Variants in MAGI1 observed in about 807,000 individuals in gnomAD.
MAGI1 encodes membrane-associated guanylate kinase, WW and PDZ domain-containing protein 1.
Under a neutral mutation model 139.9 loss-of-function variants are expected in MAGI1, and 58 were observed. That is an observed-to-expected ratio of 0.41 (90% CI 0.34 to 0.52). The LOEUF is 0.52. Among genes scored for constraint, MAGI1 ranks in the 20% least tolerant of loss-of-function variants. The pLI is 0.12. For synonymous variants in MAGI1, 812 were observed against 737.9 expected (o/e 1.10, Z -1.63); for missense variants, 1,874 against 1,901.6 (o/e 0.99, Z 0.27).
At chr3:65,447,916 G>C in intron 7 of MAGI1, 106 bp downstream of exon 7, 1 of 1,212,218 alleles carries the variant, frequency 8.2e-7, no homozygotes, top group Non-Finnish European at 1.2e-6. Context: ...ATAATTGGAG[G>C]AGTGCAAACT....
chr3:65,439,247 C>G (rs1948067835), intron 9 of MAGI1, among the ~76,000 whole-genome samples: 2 of 152,038 alleles, frequency 1.3e-5, no homozygotes, highest in South Asian at 4.1e-4. Context: ...AGTGAGAAAA[C>G]AGGTCTCACA....
rs111935707 is a variant in MAGI1, at chr3:65,920,018, C to T, written c.313+117978G>A. Among the ~76,000 whole-genome samples, 563 of 152,298 alleles carry T rather than the reference C, an allele frequency of 3.7e-3. 4 individuals carry two copies. The highest frequency in any genetic ancestry group is 0.012 in the African/African-American group (508 of 41,558). ...TTCAGGTCCGATGTTTAAATTCACA[C>T]AAACTTCTCGCAATGACCCAGACTA... is the stretch of plus-strand genomic sequence containing the variant. On this transcript the variant is annotated intron_variant, in intron 1 of 22. Transcript: ENST00000402939.
chr3:65,822,289 A>T (rs142248255), intron 1 of MAGI1, among the ~76,000 whole-genome samples: 1 of 152,298 alleles, frequency 6.6e-6, no homozygotes, highest in Non-Finnish European at 1.5e-5. Flanking sequence ...GAAATACCTA[A>T]ATCCAAGGCA....
chr3:65,968,026 G>A (rs2064843540), intron 1 of MAGI1, among the ~76,000 whole-genome samples: 1 of 152,188 alleles, frequency 6.6e-6, no homozygotes, highest in Non-Finnish European at 1.5e-5. Flanking sequence ...GGAATGTAAT[G>A]AGATAAACCC....
In MAGI1 at chr3:65,574,103, A is replaced by G. The variant is rs563814627; in HGVS notation, c.430+47869T>C. ...TAAGCAAGTTTAGACACACTAAAGA[A>G]TACAAGATCAATATATAAAAATCTA... is the stretch of plus-strand genomic sequence containing the variant. On this transcript the variant is annotated intron_variant, in intron 2 of 22. Transcript: ENST00000402939. 4.6e-4 allele frequency among the ~76,000 whole-genome samples: 70 copies of G among 152,196 alleles called. No homozygotes were observed. The South Asian group carries it at 8.3e-3, about 18-fold the overall frequency.
At chr3:65,597,049 C>T (rs2082241025) in intron 2 of MAGI1, among the ~76,000 whole-genome samples, 1 of 152,102 alleles carries the variant, frequency 6.6e-6, no homozygotes, top group South Asian at 2.1e-4. Context: ...CACCGCGCTG[C>T]CCGGGGAAGC....
Position 65,411,171 on chromosome 3 carries a change from G to A in MAGI1, c.2168-9701C>T, listed in dbSNP as rs918966941. ...TAAGCTAGTTTCTCATATGGTTCTAGGAAAGCTCTCTAACTTTATGTAAGT... is the reference window on the plus strand; with the variant it reads ...TAAGCTAGTTTCTCATATGGTTCTAAGAAAGCTCTCTAACTTTATGTAAGT... On this transcript the variant is annotated intron_variant, in intron 12 of 22. Coordinates refer to ENST00000402939, the MANE Select transcript of MAGI1 (RefSeq NM_001033057.2). Among the ~76,000 whole-genome samples the A allele has an allele frequency of 4.6e-5, 7 of 152,106 alleles. No homozygotes were observed. In the East Asian group the frequency reaches 1.3e-3, roughly 29 times the overall value.
intron 1 of MAGI1, among the ~76,000 whole-genome samples, chr3:65,808,481 G>C (rs934898073): frequency 6.6e-6 from 1 of 152,106 alleles, no homozygotes; most frequent in African/African-American, 2.4e-5. Flanking sequence ...CTGGATGACA[G>C]AGCAAGACTC....
At chr3:66,007,845 T>C (rs1213871121) in intron 1 of MAGI1, among the ~76,000 whole-genome samples, 1 of 151,710 alleles carries the variant, frequency 6.6e-6, no homozygotes, top group Non-Finnish European at 1.5e-5. Context: ...GAGGGAAGAA[T>C]GTGTGCCCCA....
At chr3:65,413,668 G>A (rs1208410760) in intron 12 of MAGI1, among the ~76,000 whole-genome samples, 3 of 152,164 alleles carry the variant, frequency 2.0e-5, no homozygotes, top group African/African-American at 7.2e-5. Context: ...GGCAGGAGAC[G>A]CTTGGGCTTT....
At chr3:65,755,451 T>A (rs1255297324) in intron 1 of MAGI1, among the ~76,000 whole-genome samples, 1 of 152,102 alleles carries the variant, frequency 6.6e-6, no homozygotes, top group African/African-American at 2.4e-5. Flanking sequence ...CATGTGAAAG[T>A]GTATCTGAAT....
At chr3:65,705,014 C>T (rs771983636) in intron 1 of MAGI1, among the ~76,000 whole-genome samples, 1 of 151,936 alleles carries the variant, frequency 6.6e-6, no homozygotes, top group African/African-American at 2.4e-5. Flanking sequence ...TTTCTAGAGA[C>T]CTTTGCTGAG....
chr3:65,473,578 G>A (rs1950682456), intron 4 of MAGI1, among the ~76,000 whole-genome samples: 1 of 144,916 alleles, frequency 6.9e-6, no homozygotes, highest in Admixed American at 7.3e-5. Flanking sequence ...CAGGAAAAGG[G>A]TAGTGCCACT....
chr3:65,585,293 A>G (rs2081620923), intron 2 of MAGI1, among the ~76,000 whole-genome samples: 1 of 152,246 alleles, frequency 6.6e-6, no homozygotes, highest in African/African-American at 2.4e-5. Context: ...GGACTGACTG[A>G]CAGCTTGTGC....
intron 1 of MAGI1, among the ~76,000 whole-genome samples, chr3:65,668,793 C>A (rs1387497760): frequency 6.6e-6 from 1 of 151,674 alleles, no homozygotes; most frequent in Admixed American, 6.6e-5. Flanking sequence ...ACCTTGTGAT[C>A]CACCTGCCTC....
chr3:65,712,256 C>T (rs2031548218), intron 1 of MAGI1, among the ~76,000 whole-genome samples: 1 of 151,904 alleles, frequency 6.6e-6, no homozygotes, highest in Admixed American at 6.6e-5. Context: ...CTCTTAGATA[C>T]TCAGTCTTGG....
intron 1 of MAGI1, among the ~76,000 whole-genome samples, chr3:65,852,386 T>C (rs1050935434): frequency 6.6e-6 from 1 of 152,104 alleles, no homozygotes; most frequent in Non-Finnish European, 1.5e-5. Flanking sequence ...TCACGTTGTG[T>C]TTCAGATGGT....
chr3:65,416,542 G>A (rs1245710426), intron 12 of MAGI1, among the ~76,000 whole-genome samples: 3 of 152,126 alleles, frequency 2.0e-5, no homozygotes, highest in Admixed American at 6.5e-5. Context: ...TTTCCTTCAC[G>A]GCACTCCTCT....
intron 1 of MAGI1, among the ~76,000 whole-genome samples, chr3:65,991,078 C>A (rs2066146003): frequency 6.6e-6 from 1 of 151,944 alleles, no homozygotes; most frequent in Admixed American, 6.6e-5. Flanking sequence ...CACTTGAGGT[C>A]AGGAGTTGGA....
Sources: allele counts gnomAD v4.1 joint callset (sites outside exome capture counted in the v4.1 genomes callset), GRCh38; gene constraint gnomAD v4.1.1; transcripts MANE v1.5; gene names NCBI Gene and HGNC (gene_info 2026-07-23, HGNC 2026-07-21).